Variants in MGAT4A observed in about 807,000 individuals in gnomAD.
The protein encoded by MGAT4A is alpha-1,3-mannosyl-glycoprotein 4-beta-N-acetylglucosaminyltransferase A.
In MGAT4A, 33 loss-of-function variants were observed where a neutral mutation model predicts 74.1. The ratio of observed to expected loss-of-function variants is 0.45; its 90% CI spans 0.34 to 0.60. The LOEUF is 0.60. MGAT4A is among the 20% of genes least tolerant of loss of function. MGAT4A has a pLI of 0.02. For missense variants in MGAT4A, 479 were observed against 628.3 expected, an observed-to-expected ratio of 0.76 and a Z score of 2.54; for synonymous variants, 198 against 210.4, an observed-to-expected ratio of 0.94 and a Z score of 0.51.
intron 2 of MGAT4A, among the ~76,000 whole-genome samples, chr2:98,689,195 T>C (rs866913895): frequency 1.2e-4 from 19 of 152,300 alleles, no homozygotes; most frequent in Middle Eastern, 3.4e-3. Context: ...CACTACTTTG[T>C]AGTCTTCTGT....
chr2:98,643,036 C>G (rs1050218106), intron 10 of MGAT4A, among the ~76,000 whole-genome samples: 5 of 152,082 alleles, frequency 3.3e-5, no homozygotes, highest in Admixed American at 2.0e-4. Flanking sequence ...TACAGTAATA[C>G]TTATCATTAC....
At chr2:98,633,552 A>AT (rs1701273919) in intron 14 of MGAT4A, among the ~76,000 whole-genome samples, 1 of 152,226 alleles carries the variant, frequency 6.6e-6, no homozygotes, top group Admixed American at 6.5e-5. Flanking sequence ...ACACAATTCC[A>AT]TTAAAGAAGA....
chr2:98,691,829 A>G (rs1702198850), intron 2 of MGAT4A, among the ~76,000 whole-genome samples: 1 of 152,200 alleles, frequency 6.6e-6, no homozygotes, highest in Admixed American at 6.5e-5. Context: ...TTCCAGTGGG[A>G]CAAGATGCGG....
At chr2:98,728,208 T>C (rs1448116428) in intron 1 of MGAT4A, among the ~76,000 whole-genome samples, 1 of 152,252 alleles carries the variant, frequency 6.6e-6, no homozygotes, top group Non-Finnish European at 1.5e-5. Flanking sequence ...CTCCACTTCC[T>C]GTAGCTTTTG....
rs1701378773 is a variant in MGAT4A at position 98,639,834 on chromosome 2, T to C, written c.1296A>G (p.Lys432=). The change falls in exon 12 of 16, where the codon AAA becomes AAG. Residue 432 remains lysine (K), a synonymous_variant. Transcript: ENST00000393487. ...TTTCTACATTGACTGGTTTATCAAA[T>C]TTAAACAAGATGTAGTCTCCAGCTA... ...TPIAGDYILF[K]FDKPVNVESY... is the part of the protein sequence containing the mutation. 6.2e-7 allele frequency: 1 copy of C among 1,612,552 alleles called. No individual in the cohort carries two copies. Among genetic ancestry groups the C allele is most frequent in the African/African-American group, 1.3e-5 (1 of 74,936 alleles).
At chr2:98,662,999 C>T (rs1701772902) in intron 5 of MGAT4A, 47 bp downstream of exon 5, 1 of 1,357,298 alleles carries the variant, frequency 7.4e-7, no homozygotes. Flanking sequence ...AGTTTCAACT[C>T]TTATAGGCTA....
chr2:98,677,800 A>ATT (rs1559166593), intron 3 of MGAT4A, among the ~76,000 whole-genome samples: 33 of 120,670 alleles, frequency 2.7e-4, no homozygotes, highest in South Asian at 1.7e-3. Flanking sequence ...GCAGGTAATA[A>ATT]ATTTTTTTTT....
intron 2 of MGAT4A, among the ~76,000 whole-genome samples, chr2:98,684,721 G>A (rs1489990958): frequency 1.3e-5 from 2 of 152,186 alleles, no homozygotes; most frequent in African/African-American, 2.4e-5. Flanking sequence ...CACATCTAAT[G>A]TGTGGTGAAT....
intron 4 of MGAT4A, among the ~76,000 whole-genome samples, chr2:98,672,860 T>C (rs891741050): frequency 6.6e-6 from 1 of 152,188 alleles, no homozygotes; most frequent in Non-Finnish European, 1.5e-5. Flanking sequence ...TGGTCAGTTA[T>C]TGTGTTATGG....
chr2:98,644,475 T>C (rs1450782413), intron 9 of MGAT4A, among the ~76,000 whole-genome samples: 1 of 152,310 alleles, frequency 6.6e-6, no homozygotes, highest in South Asian at 2.1e-4. Flanking sequence ...CAAGTAAAGA[T>C]GGTTTTTGAC....
At chr2:98,626,282 A>G (rs757572732) in intron 14 of MGAT4A, among the ~76,000 whole-genome samples, 3 of 152,190 alleles carry the variant, frequency 2.0e-5, no homozygotes, top group Non-Finnish European at 4.4e-5. Flanking sequence ...CAGGGACTCA[A>G]TACAAGTGTA....
intron 4 of MGAT4A, among the ~76,000 whole-genome samples, chr2:98,668,125 G>C (rs1701863630): frequency 6.6e-6 from 1 of 152,222 alleles, no homozygotes; most frequent in Non-Finnish European, 1.5e-5. Context: ...CAAGCCAGCT[G>C]CAGAAATTTG....
At position 98,702,326 on chromosome 2, in the gene MGAT4A, C is replaced by T. The variant is rs143811925; in HGVS notation, c.95-23855G>A. Among the ~76,000 whole-genome samples, 834 of 152,352 alleles carry T rather than the reference C, an allele frequency of 5.5e-3. 3 individuals carry two copies. The highest frequency in any genetic ancestry group is 0.014 in the South Asian group (66 of 4,824). ...AGCAGCAAGCCCAGAGGCAGGCAAGCAGCACGGAGGGCCAGAGGCCTGCTG... is the reference window on the plus strand; with the variant it reads ...AGCAGCAAGCCCAGAGGCAGGCAAGTAGCACGGAGGGCCAGAGGCCTGCTG... On this transcript the variant is annotated intron_variant, in intron 2 of 15. Transcript: ENST00000393487.
intron 10 of MGAT4A, 48 bp downstream of exon 10, chr2:98,643,875 G>A (rs376444326): frequency 2.6e-5 from 37 of 1,404,810 alleles, no homozygotes; most frequent in South Asian, 9.1e-5. Flanking sequence ...TCACTTTCAC[G>A]AAATACAGAA....
intron 2 of MGAT4A, among the ~76,000 whole-genome samples, chr2:98,719,585 C>A (rs992015584): frequency 6.6e-5 from 10 of 152,204 alleles, no homozygotes; most frequent in Admixed American, 3.9e-4. Context: ...GGAAAAAAAA[C>A]CAAGCAGGTA....
At chr2:98,644,078 G>A (rs1701451175) in intron 9 of MGAT4A, 25 bp from the exon 10 acceptor site, 1 of 1,537,542 alleles carries the variant, frequency 6.5e-7, no homozygotes, top group Non-Finnish European at 8.8e-7. Flanking sequence ...CCAGTCAATA[G>A]CTGCAATGAA....
chr2:98,709,262 A>G (rs771152757), intron 2 of MGAT4A, among the ~76,000 whole-genome samples: 4 of 152,170 alleles, frequency 2.6e-5, no homozygotes, highest in East Asian at 1.9e-4. Flanking sequence ...TTTTCAGTCT[A>G]TAAGCTACAG....
chr2:98,699,169 A>T (rs1406990290), intron 2 of MGAT4A, among the ~76,000 whole-genome samples: 3 of 152,192 alleles, frequency 2.0e-5, no homozygotes, highest in African/African-American at 7.2e-5. Context: ...AACACGTGCA[A>T]TGTGTTGTGT....
At chr2:98,634,867 C>T (rs545330089) in intron 14 of MGAT4A, among the ~76,000 whole-genome samples, 11 of 151,692 alleles carry the variant, frequency 7.3e-5, no homozygotes, top group Admixed American at 2.6e-4. Flanking sequence ...ACAGATGTGA[C>T]GCTGGGGAGG....
Sources: gnomAD v4.1 joint callset for allele counts (sites outside exome capture counted in the v4.1 genomes callset) on GRCh38, gnomAD v4.1.1 for gene constraint, MANE v1.5 for transcripts, NCBI Gene and HGNC (gene_info 2026-07-23, HGNC 2026-07-21) for gene names.